Variants in IL23R observed in about 807,000 individuals in gnomAD.
IL23R encodes the protein interleukin 23 receptor, also known as interleukin-23 receptor.
A neutral mutation model predicts 56.9 loss-of-function variants in IL23R; 34 were observed. The observed-to-expected ratio is 0.60, with a 90% CI of 0.45 to 0.80. The LOEUF (loss-of-function observed/expected upper bound fraction) is 0.80, where lower values mean the gene tolerates loss of function less well. Ranked by LOEUF, IL23R falls within the 30% of genes least tolerant of loss-of-function variation. The pLI is 0.00. For missense variants in IL23R, 635 were observed against 730.0 expected (o/e 0.87, Z 1.50); for synonymous variants, 230 against 249.2 (o/e 0.92, Z 0.73).
intron 4 of IL23R, among the ~76,000 whole-genome samples, chr1:67,186,535 C>A (rs550164308): frequency 6.6e-6 from 1 of 152,194 alleles, no homozygotes; most frequent in South Asian, 2.1e-4. Context: ...ATTTGCTTTC[C>A]GTTTCTGTTG....
intron 9 of IL23R, among the ~76,000 whole-genome samples, chr1:67,241,338 C>G (rs1312923739): frequency 6.6e-6 from 1 of 152,162 alleles, no homozygotes; most frequent in Non-Finnish European, 1.5e-5. Flanking sequence ...AAAACAAAAC[C>G]TGGTCTGTTC....
At chr1:67,241,699 G>T (rs76892752) in intron 9 of IL23R, among the ~76,000 whole-genome samples, 12,780 of 152,228 alleles carry the variant, frequency 0.084, 645 homozygotes, top group Non-Finnish European at 0.11. Context: ...GGAGATGGCT[G>T]CTTGTAAACA....
chr1:67,212,877 C>CT (rs879723199), intron 6 of IL23R, among the ~76,000 whole-genome samples: 48 of 149,048 alleles, frequency 3.2e-4, no homozygotes, highest in African/African-American at 1.1e-3. Context: ...CTTTCTTTTT[C>CT]TTTTTTTTTC....
chr1:67,234,987 C>T (rs1051735556), intron 7 of IL23R, among the ~76,000 whole-genome samples: 6 of 152,134 alleles, frequency 3.9e-5, no homozygotes, highest in Admixed American at 3.9e-4. Context: ...TGAGCCACTG[C>T]AACTGGCCAG....
At chr1:67,191,819 G>T (rs1350648107) in intron 4 of IL23R, among the ~76,000 whole-genome samples, 4 of 152,106 alleles carry the variant, frequency 2.6e-5, no homozygotes, top group African/African-American at 7.2e-5. Context: ...ATTTAATGTA[G>T]CTCTTCACTT....
intron 6 of IL23R, among the ~76,000 whole-genome samples, chr1:67,214,723 C>T (rs183928240): frequency 1.8e-4 from 27 of 151,996 alleles, no homozygotes; most frequent in Admixed American, 1.5e-3. Context: ...ATTGGTATAT[C>T]GGCTATCTAC....
intron 4 of IL23R, among the ~76,000 whole-genome samples, chr1:67,194,587 G>A (rs1647996481): frequency 6.6e-6 from 1 of 152,180 alleles, no homozygotes; most frequent in Non-Finnish European, 1.5e-5. Context: ...CTAATATGGG[G>A]TAGACTTTAA....
intron 9 of IL23R, among the ~76,000 whole-genome samples, chr1:67,251,117 A>C (rs941765049): frequency 6.6e-6 from 1 of 152,220 alleles, no homozygotes; most frequent in Admixed American, 6.5e-5. Context: ...TCGACTGAGA[A>C]GAAAAAACCT....
intron 10 of IL23R, 35 bp from the exon 11 acceptor site, chr1:67,258,443 C>T: frequency 6.5e-7 from 1 of 1,545,252 alleles, no homozygotes; most frequent in Admixed American, 1.9e-5. Flanking sequence ...TTTTAAATGT[C>T]TTTTGCAAAA....
intron 6 of IL23R, among the ~76,000 whole-genome samples, chr1:67,208,844 A>G (rs1649259019): frequency 6.6e-6 from 1 of 152,160 alleles, no homozygotes; most frequent in Non-Finnish European, 1.5e-5. Flanking sequence ...AGAATGGTAG[A>G]TCCACCAACA....
chr1:67,253,890 C>T lies in IL23R; in HGVS notation c.1149-1947C>T, dbSNP rs573104707. Among the ~76,000 whole-genome samples, 10 of 152,098 alleles carry T rather than the reference C, an allele frequency of 6.6e-5. No individual in the cohort carries two copies. In the South Asian group the frequency reaches 2.1e-3, roughly 32 times the overall value. The stretch of plus-strand genomic sequence containing the variant: ...AACAAGGAATTAGGGCAATTCTTTG[C>T]TCATTTAATTATTTAAATAAGTACT... On this transcript the variant is annotated intron_variant, in intron 9 of 10. Coordinates refer to ENST00000347310, the MANE Select transcript of IL23R (RefSeq NM_144701.3).
intron 9 of IL23R, among the ~76,000 whole-genome samples, chr1:67,246,259 C>A (rs1652216677): frequency 6.6e-6 from 1 of 152,064 alleles, no homozygotes; most frequent in South Asian, 2.1e-4. Context: ...TTCAAAAAAC[C>A]AGCTCCTGGA....
At position 67,169,510 on chromosome 1, in the gene IL23R, T is replaced by A; in HGVS notation, c.239T>A (p.Ile80Asn). The A allele has an allele frequency of 6.2e-7, 1 of 1,614,040 alleles. No individual in the cohort carries two copies. The highest frequency in any genetic ancestry group is 8.5e-7 in the Non-Finnish European group (1 of 1,179,942). ...AAAGAAAGATTTCAAATCACAAGGA[T>A]TAATAAAACAACAGCTCGGCTTTGG... is the stretch of plus-strand genomic sequence containing the variant. ...GIKERFQITR[I>N]NKTTARLWYK... Residue 80 changes from isoleucine to asparagine, a missense_variant, in exon 3 of 11, where the codon ATT becomes AAT. Physicochemically the swap from Ile to Asn is moderately radical, Grantham distance 149. Transcript: ENST00000347310.
intron 1 of IL23R, among the ~76,000 whole-genome samples, chr1:67,157,146 A>T (rs544253238): frequency 6.6e-6 from 1 of 152,088 alleles, no homozygotes; most frequent in Non-Finnish European, 1.5e-5. Context: ...ACCAGTCCCA[A>T]TGAGATGAAC....
upstream of IL23R, among the ~76,000 whole-genome samples, chr1:67,163,468 CAAAAAAAAAAAAAAA>C (rs57495148): frequency 1.0e-4 from 5 of 49,606 alleles, no homozygotes; most frequent in Admixed American, 1.6e-3. Context: ...GACCCTGTCT[CAAAAAAAAAAAAAAA>C]AAAAAAAAAA....
chr1:67,209,196 G>A (rs1194732459), intron 6 of IL23R, among the ~76,000 whole-genome samples: 1 of 152,184 alleles, frequency 6.6e-6, no homozygotes, highest in African/African-American at 2.4e-5. Flanking sequence ...CTCATAGGTG[G>A]AAGGGACTTG....
At chr1:67,245,015 A>G (rs935498367) in intron 9 of IL23R, among the ~76,000 whole-genome samples, 1 of 152,130 alleles carries the variant, frequency 6.6e-6, no homozygotes, top group Non-Finnish European at 1.5e-5. Flanking sequence ...TTCTTTTTGA[A>G]GAGGTCTTTC....
At chr1:67,201,421 A>G (rs1346528914) in intron 5 of IL23R, among the ~76,000 whole-genome samples, 1 of 151,914 alleles carries the variant, frequency 6.6e-6, no homozygotes, top group African/African-American at 2.4e-5. Context: ...AAAAAAAAAA[A>G]AAATCCATAT....
chr1:67,182,614 C>G (rs1049398106), intron 3 of IL23R, among the ~76,000 whole-genome samples: 1 of 152,150 alleles, frequency 6.6e-6, no homozygotes, highest in Non-Finnish European at 1.5e-5. Context: ...CCTGCTTCGG[C>G]TCACACTCTG....
Sources: allele counts gnomAD v4.1 joint callset (sites outside exome capture counted in the v4.1 genomes callset), GRCh38; gene constraint gnomAD v4.1.1; transcripts MANE v1.5; gene names NCBI Gene and HGNC (gene_info 2026-07-23, HGNC 2026-07-21).